The following DLGAP2 variants were observed in gnomAD, a reference collection of about 807,000 sequenced individuals.
The protein encoded by DLGAP2 is disks large-associated protein 2.
DLGAP2 carries 26 observed loss-of-function variants against 100.3 expected under a neutral mutation model. The ratio of observed to expected loss-of-function variants is 0.26; its 90% CI spans 0.19 to 0.36. The LOEUF is 0.36. DLGAP2 is among the 10% of genes least tolerant of loss of function. The pLI, the probability that DLGAP2 is intolerant of heterozygous loss-of-function variation, is 1.00. For synonymous variants in DLGAP2, 886 were observed against 630.1 expected (o/e 1.41, Z -6.08); for missense variants, 1,858 against 1,453.2 (o/e 1.28, Z -4.53).
intron 14 of DLGAP2, among the ~76,000 whole-genome samples, chr8:1,700,107 G>A (rs1370276093): frequency 6.6e-6 from 1 of 152,192 alleles, no homozygotes; most frequent in Admixed American, 6.5e-5. Flanking sequence ...AGGGAACAAA[G>A]TTCCAGACAC....
chr8:1,320,136 T>C (rs1048641686), intron 3 of DLGAP2, among the ~76,000 whole-genome samples: 4 of 152,016 alleles, frequency 2.6e-5, no homozygotes, highest in Non-Finnish European at 1.5e-5. Flanking sequence ...AGAGGAGGGC[T>C]GAAGGGGACG....
chr8:1,299,862 G>A (rs1800288681), intron 3 of DLGAP2: 1 of 152,158 alleles, frequency 6.6e-6, no homozygotes, highest in Admixed American at 6.5e-5. Flanking sequence ...TTAATCTGCT[G>A]GAACTCCCAC....
At chr8:1,392,657 G>A (rs1796393173) in intron 3 of DLGAP2, among the ~76,000 whole-genome samples, 1 of 152,216 alleles carries the variant, frequency 6.6e-6, no homozygotes, top group Admixed American at 6.5e-5. Flanking sequence ...CCGTGGGCCT[G>A]GGCCTCCATG....
At chr8:1,255,000 A>ATCCTGCCTGGGTGCTGTGTGTGTGTCCTC (rs1799150416) in intron 2 of DLGAP2, among the ~76,000 whole-genome samples, 1 of 56,340 alleles carries the variant, frequency 1.8e-5, no homozygotes, top group African/African-American at 1.4e-4. Context: ...GTGTCCTCTC[A>ATCCTGCCTGGGTGCTGTGTGTGTGTCCTC]TCCTGCTTGG....
At position 1,610,732 on chromosome 8, in the gene DLGAP2, A is replaced by T. The variant is rs2130731022; in HGVS notation, c.1443-16008A>T. On this transcript the variant is annotated intron_variant, in intron 6 of 14. Coordinates refer to ENST00000637795, the MANE Select transcript of DLGAP2 (RefSeq NM_001346810.2). ...ATCACCACCGATCCCACAGAAATAC[A>T]AACTACCATCAGAGAATACTACAAA... Among the ~76,000 whole-genome samples, 2 of 145,690 alleles carry T rather than the reference A, an allele frequency of 1.4e-5. 1 individual carries two copies. The highest frequency in any genetic ancestry group is 3.9e-4 in the East Asian group (2 of 5,110).
At chr8:1,549,726 A>C in intron 5 of DLGAP2, 43 bp downstream of exon 5, 1 of 1,486,832 alleles carries the variant, frequency 6.7e-7, no homozygotes, top group Non-Finnish European at 9.0e-7. Context: ...TCGGCACAGC[A>C]GGTGGTATTG....
chr8:1,319,940 G>T (rs1800856858), intron 3 of DLGAP2, among the ~76,000 whole-genome samples: 1 of 152,184 alleles, frequency 6.6e-6, no homozygotes, highest in Admixed American at 6.5e-5. Flanking sequence ...GAATGTGCCA[G>T]GACTTAGCTT....
chr8:872,917 T>C (rs1334599803), intron 1 of DLGAP2, among the ~76,000 whole-genome samples: 1 of 152,166 alleles, frequency 6.6e-6, no homozygotes, highest in Non-Finnish European at 1.5e-5. Context: ...CCACGGATGC[T>C]CAAGTCCCTG....
intron 3 of DLGAP2, among the ~76,000 whole-genome samples, chr8:1,423,328 G>A (rs908784680): frequency 2.6e-5 from 4 of 151,962 alleles, no homozygotes; most frequent in African/African-American, 4.8e-5. Context: ...CCAGGCACCC[G>A]GGCAGCTCAG....
chr8:1,290,034 C>G (rs1217010638), intron 3 of DLGAP2, among the ~76,000 whole-genome samples: 4 of 152,132 alleles, frequency 2.6e-5, no homozygotes, highest in Non-Finnish European at 5.9e-5. Context: ...GAAAACTAAC[C>G]ACTGTTCAGG....
At chr8:1,452,459 C>T (rs1265165900) in intron 3 of DLGAP2, among the ~76,000 whole-genome samples, 7 of 152,232 alleles carry the variant, frequency 4.6e-5, no homozygotes, top group Non-Finnish European at 7.3e-5. Context: ...CATTCAGCAC[C>T]AGTGGACATG....
chr8:1,001,811 G>C (rs1800965273), intron 2 of DLGAP2, among the ~76,000 whole-genome samples: 1 of 152,166 alleles, frequency 6.6e-6, no homozygotes, highest in African/African-American at 2.4e-5. Context: ...CAAGGAACAA[G>C]GAAGAAATCT....
At chr8:1,230,112 C>T (rs1458094879) in intron 2 of DLGAP2, among the ~76,000 whole-genome samples, 1 of 152,082 alleles carries the variant, frequency 6.6e-6, no homozygotes, top group African/African-American at 2.4e-5. Flanking sequence ...CCTGCAAAAC[C>T]CCAAAGACTC....
At chr8:1,000,968 T>C (rs1281615516) in intron 2 of DLGAP2, among the ~76,000 whole-genome samples, 1 of 152,160 alleles carries the variant, frequency 6.6e-6, no homozygotes, top group Admixed American at 6.5e-5. Context: ...TTCCTCAGTG[T>C]AGGCAGGAGT....
At chr8:1,083,089 T>C (rs557884363) in intron 2 of DLGAP2, among the ~76,000 whole-genome samples, 2 of 152,326 alleles carry the variant, frequency 1.3e-5, no homozygotes, top group East Asian at 3.9e-4. Context: ...AGAGACGTGA[T>C]CAGTTACACA....
intron 2 of DLGAP2, among the ~76,000 whole-genome samples, chr8:1,087,385 G>C (rs1197373577): frequency 6.6e-6 from 1 of 152,180 alleles, no homozygotes; most frequent in East Asian, 1.9e-4. Context: ...CCAGTTCAGA[G>C]TGTTGTCTAT....
intron 7 of DLGAP2, among the ~76,000 whole-genome samples, chr8:1,630,182 A>G (rs539382057): frequency 6.6e-6 from 1 of 152,332 alleles, no homozygotes; most frequent in South Asian, 2.1e-4. Context: ...GAATGCTGGT[A>G]GTAAGTGAGA....
intron 2 of DLGAP2, among the ~76,000 whole-genome samples, chr8:1,050,009 T>C (rs751303694): frequency 2.6e-5 from 4 of 152,178 alleles, no homozygotes; most frequent in Non-Finnish European, 4.4e-5. Context: ...GGCACATGCA[T>C]ATGTACACAC....
chr8:1,038,595 G>A lies in DLGAP2; in HGVS notation c.73+130629G>A, dbSNP rs116747918. 1.1e-3 allele frequency among the ~76,000 whole-genome samples: 175 copies of A among 152,324 alleles called. 1 individual carries two copies. The highest frequency in any genetic ancestry group is 3.7e-3 in the African/African-American group (154 of 41,574). On this transcript the variant is annotated intron_variant, in intron 2 of 14. Coordinates refer to ENST00000637795, the MANE Select transcript of DLGAP2 (RefSeq NM_001346810.2). ...TTCTCAAGAAGTAGCCCCATTATGC[G>A]TTAGATAATTTGGATAAATTGAAAG...
Sources: gnomAD v4.1 joint callset for allele counts (sites outside exome capture counted in the v4.1 genomes callset) on GRCh38, gnomAD v4.1.1 for gene constraint, MANE v1.5 for transcripts, NCBI Gene and HGNC (gene_info 2026-07-23, HGNC 2026-07-21) for gene names.